The following KLF12 variants were observed in gnomAD, a reference collection of about 807,000 sequenced individuals.
The protein encoded by KLF12 is Krueppel-like factor 12.
A neutral mutation model predicts 37.8 loss-of-function variants in KLF12; 9 were observed. The ratio of observed to expected loss-of-function variants is 0.24; its 90% CI spans 0.14 to 0.42. The LOEUF is 0.42. Ranked by LOEUF, KLF12 falls within the 10% of genes least tolerant of loss-of-function variation. The pLI is 1.00. For missense variants in KLF12, 411 were observed against 516.0 expected, an observed-to-expected ratio of 0.80 and a Z score of 1.97; for synonymous variants, 208 against 202.1, an observed-to-expected ratio of 1.03 and a Z score of -0.25.
At chr13:73,958,402 C>T (rs1024321632) in intron 2 of KLF12, among the ~76,000 whole-genome samples, 2 of 151,986 alleles carry the variant, frequency 1.3e-5, no homozygotes, top group African/African-American at 2.4e-5. Flanking sequence ...ACCACCATGC[C>T]TGGCTAATTT....
chr13:74,146,873 G>T, the KLF12 span, among the ~76,000 whole-genome samples: 3 of 152,204 alleles, frequency 2.0e-5, no homozygotes, highest in African/African-American at 7.2e-5. Flanking sequence ...AAGAGATGGA[G>T]CTGAGATTTG....
chr13:74,073,028 T>G (rs1251137621), intron 1 of KLF12, among the ~76,000 whole-genome samples: 1 of 152,132 alleles, frequency 6.6e-6, no homozygotes, highest in Non-Finnish European at 1.5e-5. Context: ...TCTCATGAGA[T>G]TTAATGGTTT....
chr13:73,749,692 C>A (rs1451463160), intron 6 of KLF12, among the ~76,000 whole-genome samples: 4 of 151,878 alleles, frequency 2.6e-5, no homozygotes, highest in Non-Finnish European at 4.4e-5. Context: ...AGAGGGAAGG[C>A]CAAAAACGTA....
chr13:74,137,442 G>A (rs960396685), upstream of KLF12, among the ~76,000 whole-genome samples: 5 of 152,142 alleles, frequency 3.3e-5, no homozygotes, highest in Admixed American at 6.5e-5. Flanking sequence ...CTTAGTCTTA[G>A]ATAACCAAAA....
At chr13:73,712,212 C>T (rs1207245486) in intron 7 of KLF12, among the ~76,000 whole-genome samples, 44 of 151,958 alleles carry the variant, frequency 2.9e-4, no homozygotes, top group Non-Finnish European at 5.9e-5. Flanking sequence ...GTGGCACATG[C>T]CTGTAATCCC....
intron 1 of KLF12, among the ~76,000 whole-genome samples, chr13:74,125,140 G>A (rs1046606154): frequency 1.8e-3 from 117 of 66,740 alleles, no homozygotes; most frequent in Admixed American, 2.1e-3. Context: ...GCAAGACTCC[G>A]TTTCAAAAAA....
intron 5 of KLF12, among the ~76,000 whole-genome samples, chr13:73,780,083 A>G (rs1326908860): frequency 6.6e-6 from 1 of 152,230 alleles, no homozygotes; most frequent in Non-Finnish European, 1.5e-5. Context: ...CAAGAGAACT[A>G]GAGTTAAAAG....
the KLF12 span, among the ~76,000 whole-genome samples, chr13:74,290,060 C>T: frequency 6.6e-6 from 1 of 152,094 alleles, no homozygotes; most frequent in South Asian, 2.1e-4. Context: ...GCTTCATACT[C>T]CTGAGTATTT....
intron 3 of KLF12, among the ~76,000 whole-genome samples, chr13:73,940,624 A>G (rs1236817764): frequency 5.3e-5 from 8 of 152,202 alleles, no homozygotes; most frequent in Non-Finnish European, 4.4e-5. Context: ...TATATTTTTC[A>G]CCATGCTAAT....
chr13:73,770,291 C>A (rs913260381), intron 5 of KLF12, among the ~76,000 whole-genome samples: 1 of 152,150 alleles, frequency 6.6e-6, no homozygotes, highest in Non-Finnish European at 1.5e-5. Context: ...TTAATATAAA[C>A]ACACTACCCA....
At chr13:73,905,887 A>G (rs73523235) in intron 3 of KLF12, among the ~76,000 whole-genome samples, 7,187 of 152,130 alleles carry the variant, frequency 0.047, 395 homozygotes, top group African/African-American at 0.13. Context: ...TTTTCCTCAA[A>G]TTACTTCATT....
At chr13:73,862,368 G>C (rs1885973372) in intron 3 of KLF12, among the ~76,000 whole-genome samples, 1 of 152,144 alleles carries the variant, frequency 6.6e-6, no homozygotes, top group Non-Finnish European at 1.5e-5. Flanking sequence ...ATAGGAAACA[G>C]ACGTGGAGAG....
chr13:74,150,243 T>C, the KLF12 span, among the ~76,000 whole-genome samples: 6 of 152,242 alleles, frequency 3.9e-5, no homozygotes, highest in Non-Finnish European at 5.9e-5. Context: ...AATATCTCTC[T>C]AATACATGTT....
the KLF12 span, among the ~76,000 whole-genome samples, chr13:74,174,322 C>T: frequency 6.2e-4 from 91 of 146,686 alleles, no homozygotes; most frequent in African/African-American, 2.0e-3. Context: ...CTTTTTTTTT[C>T]TTTCTTTCTT....
chr13:73,873,460 G>A (rs1319204820), intron 3 of KLF12, among the ~76,000 whole-genome samples: 1 of 152,106 alleles, frequency 6.6e-6, no homozygotes, highest in Non-Finnish European at 1.5e-5. Context: ...TGGTTGTTGT[G>A]TCTTTACTGT....
At chr13:73,862,730 G>A (rs2138815223) in intron 3 of KLF12, among the ~76,000 whole-genome samples, 1 of 152,176 alleles carries the variant, frequency 6.6e-6, no homozygotes, top group South Asian at 2.1e-4. Flanking sequence ...AACAACAACT[G>A]TACGTTATTC....
chr13:73,865,354 C>T (rs1886121156), intron 3 of KLF12, among the ~76,000 whole-genome samples: 1 of 152,216 alleles, frequency 6.6e-6, no homozygotes, highest in African/African-American at 2.4e-5. Context: ...GCCCAAATTT[C>T]ATTTCAGCCA....
intron 2 of KLF12, among the ~76,000 whole-genome samples, chr13:73,994,133 T>C (rs971653089): frequency 1.3e-5 from 2 of 152,154 alleles, no homozygotes; most frequent in Non-Finnish European, 1.5e-5. Flanking sequence ...AGATACAACC[T>C]TGAAAATCAC....
intron 5 of KLF12, among the ~76,000 whole-genome samples, chr13:73,787,499 C>G (rs1046763924): frequency 6.6e-6 from 1 of 152,200 alleles, no homozygotes; most frequent in African/African-American, 2.4e-5. Context: ...ATGACAATTT[C>G]TTGAGTTCTT....
Sources: gnomAD v4.1 joint callset for allele counts (sites outside exome capture counted in the v4.1 genomes callset) on GRCh38, gnomAD v4.1.1 for gene constraint, MANE v1.5 for transcripts, NCBI Gene and HGNC (gene_info 2026-07-23, HGNC 2026-07-21) for gene names.